Variants in KANK1 observed in about 807,000 individuals in gnomAD.
KANK1 encodes the protein KN motif and ankyrin repeat domain-containing protein 1.
A neutral mutation model predicts 106.2 loss-of-function variants in KANK1; 109 were observed. That is an observed-to-expected ratio of 1.03 (90% CI 0.88 to 1.20). KANK1 has a LOEUF of 1.20. Ranked by LOEUF, KANK1 falls within the 50% of genes most tolerant of loss-of-function variation. KANK1 has a pLI of 0.00. For synonymous variants in KANK1, 873 were observed against 652.2 expected (o/e 1.34, Z -5.16); for missense variants, 2,399 against 1,710.7 (o/e 1.40, Z -7.10).
At chr9:566,146 T>C (rs1427063221) in intron 1 of KANK1, among the ~76,000 whole-genome samples, 2 of 152,240 alleles carry the variant, frequency 1.3e-5, no homozygotes, top group Non-Finnish European at 2.9e-5. Flanking sequence ...GTTAGTTTGC[T>C]GTGGGTGATG....
intron 1 of KANK1, among the ~76,000 whole-genome samples, chr9:510,947 T>C (rs533438692): frequency 2.6e-4 from 40 of 152,344 alleles, no homozygotes; most frequent in African/African-American, 8.4e-4. Context: ...CACTTAACTT[T>C]AGTAAACAGT....
intron 1 of KANK1, among the ~76,000 whole-genome samples, chr9:561,246 A>G (rs1816353456): frequency 6.6e-6 from 1 of 152,030 alleles, no homozygotes; most frequent in African/African-American, 2.4e-5. Flanking sequence ...ATTTCAATCA[A>G]TTAAGAATTT....
intron 1 of KANK1, chr9:540,439 G>A (rs1427590204): frequency 2.0e-5 from 3 of 152,108 alleles, no homozygotes; most frequent in Admixed American, 6.6e-5. Context: ...TGGTTTGCTG[G>A]TATTATATTG....
At chr9:600,147 C>A (rs1174908060) in intron 1 of KANK1, among the ~76,000 whole-genome samples, 1 of 151,744 alleles carries the variant, frequency 6.6e-6, no homozygotes, top group African/African-American at 2.4e-5. Flanking sequence ...GTCTCTAAAA[C>A]TCTTTTTCAT....
intron 1 of KANK1, among the ~76,000 whole-genome samples, chr9:636,078 G>A (rs552026841): frequency 6.6e-6 from 1 of 152,116 alleles, no homozygotes; most frequent in African/African-American, 2.4e-5. Context: ...ACAAATAAAT[G>A]GTTGTACATC....
chr9:518,084 C>G (rs985247598), intron 1 of KANK1, among the ~76,000 whole-genome samples: 5 of 151,620 alleles, frequency 3.3e-5, no homozygotes, highest in African/African-American at 7.3e-5. Flanking sequence ...ATAAAGTAGC[C>G]TTAGTACTGT....
chr9:526,301 T>C (rs2133362520), intron 1 of KANK1, among the ~76,000 whole-genome samples: 1 of 151,872 alleles, frequency 6.6e-6, no homozygotes, highest in South Asian at 2.1e-4. Flanking sequence ...CCAGCAGCAG[T>C]AGACCTAGAA....
chr9:691,827 G>C (rs1820013049), intron 2 of KANK1, among the ~76,000 whole-genome samples: 1 of 147,848 alleles, frequency 6.8e-6, no homozygotes, highest in African/African-American at 2.5e-5. Flanking sequence ...GTGTCATCCA[G>C]GCTGGTCTCA....
chr9:600,835 G>C (rs1190932663), intron 1 of KANK1, among the ~76,000 whole-genome samples: 1 of 151,794 alleles, frequency 6.6e-6, no homozygotes, highest in Non-Finnish European at 1.5e-5. Context: ...GATGAGTTTG[G>C]GAATTTGCTA....
At chr9:570,025 T>C (rs1234699886) in intron 1 of KANK1, among the ~76,000 whole-genome samples, 1 of 152,232 alleles carries the variant, frequency 6.6e-6, no homozygotes, top group Non-Finnish European at 1.5e-5. Context: ...ATTTATGTTT[T>C]TTAAAACAAT....
chr9:712,358 T>C lies in KANK1; in HGVS notation c.1592T>C (p.Met531Thr), dbSNP rs764967692. 2 of 1,614,186 alleles carry C rather than the reference T, an allele frequency of 1.2e-6. No homozygotes were observed. Among genetic ancestry groups the C allele is most frequent in the East Asian group, 2.2e-5 (1 of 44,868 alleles). The change falls in exon 3 of 12, where the codon ATG (methionine) becomes ACG (threonine). Residue 531 changes from methionine to threonine, a missense_variant. Physicochemically the swap from Met to Thr is moderately conservative, Grantham distance 81. Transcript: ENST00000382297. ...AGAGACCAAATGGTCGGCAGTCACA[T>C]GGACCTGGTGGACACGTGTGTTGGG... ...QTRDQMVGSHMDLVDTCVGTS... is the reference protein window; with the variant it reads ...QTRDQMVGSHTDLVDTCVGTS...
At chr9:727,855 C>T (rs547729757) in intron 3 of KANK1, among the ~76,000 whole-genome samples, 1 of 152,160 alleles carries the variant, frequency 6.6e-6, no homozygotes, top group East Asian at 1.9e-4. Context: ...TATCTGTAAA[C>T]CAAAAATAAA....
chr9:529,076 G>T (rs545590459), intron 1 of KANK1, among the ~76,000 whole-genome samples: 92 of 152,292 alleles, frequency 6.0e-4, no homozygotes, highest in African/African-American at 2.2e-3. Context: ...TGGGGTTACA[G>T]GTGTGAGCCA....
intron 1 of KANK1, among the ~76,000 whole-genome samples, chr9:597,050 T>G (rs1197767373): frequency 6.6e-6 from 1 of 151,998 alleles, no homozygotes; most frequent in Non-Finnish European, 1.5e-5. Flanking sequence ...TTCATCCATG[T>G]TGTAATGTCT....
intron 1 of KANK1, among the ~76,000 whole-genome samples, chr9:535,443 G>A (rs1366589744): frequency 6.6e-6 from 1 of 152,154 alleles, no homozygotes; most frequent in Non-Finnish European, 1.5e-5. Context: ...CATTTTTGGT[G>A]CCTACTCTGT....
chr9:607,242 T>C (rs1203944009), intron 1 of KANK1, among the ~76,000 whole-genome samples: 1 of 151,646 alleles, frequency 6.6e-6, no homozygotes, highest in Non-Finnish European at 1.5e-5. Context: ...TCCCAGCATT[T>C]TGGGAGGCCA....
chr9:667,327 C>G (rs1801049629), intron 1 of KANK1, among the ~76,000 whole-genome samples: 1 of 151,552 alleles, frequency 6.6e-6, no homozygotes, highest in South Asian at 2.1e-4. Flanking sequence ...TTTAGTTAGT[C>G]TTGCTAAAGT....
chr9:569,662 A>C (rs186615233), intron 1 of KANK1, among the ~76,000 whole-genome samples: 2 of 152,224 alleles, frequency 1.3e-5, no homozygotes, highest in African/African-American at 4.8e-5. Flanking sequence ...GACTGAGACA[A>C]TACGTATATT....
At chr9:474,743 G>A (rs1361001569) in intron 3 of KANK1, among the ~76,000 whole-genome samples, 1 of 152,150 alleles carries the variant, frequency 6.6e-6, no homozygotes, top group African/African-American at 2.4e-5. Context: ...GGTTGAGCAG[G>A]GGGAGATCAG....
Sources: gnomAD v4.1 joint callset for allele counts (sites outside exome capture counted in the v4.1 genomes callset) on GRCh38, gnomAD v4.1.1 for gene constraint, MANE v1.5 for transcripts, NCBI Gene and HGNC (gene_info 2026-07-23, HGNC 2026-07-21) for gene names.